The following MAN1A2 variants were observed in gnomAD, a reference collection of about 807,000 sequenced individuals.
MAN1A2 encodes mannosidase alpha class 1A member 2, also known as mannosyl-oligosaccharide 1,2-alpha-mannosidase IB.
Under a neutral mutation model 75.7 loss-of-function variants are expected in MAN1A2, and 26 were observed. The ratio of observed to expected loss-of-function variants is 0.34; its 90% CI spans 0.25 to 0.48. The LOEUF (loss-of-function observed/expected upper bound fraction) is 0.48, where lower values mean the gene tolerates loss of function less well. Ranked by LOEUF, MAN1A2 falls within the 20% of genes least tolerant of loss-of-function variation. MAN1A2 has a pLI of 0.99. For synonymous variants in MAN1A2, 247 were observed against 264.6 expected (o/e 0.93, Z 0.65); for missense variants, 562 against 775.5 (o/e 0.72, Z 3.27).
At chr1:117,377,592 A>G (rs894255162) in intron 1 of MAN1A2, among the ~76,000 whole-genome samples, 5 of 152,208 alleles carry the variant, frequency 3.3e-5, no homozygotes, top group African/African-American at 1.2e-4. Context: ...CTATAACATG[A>G]CATATTGTAA....
intron 12 of MAN1A2, among the ~76,000 whole-genome samples, chr1:117,520,326 A>G (rs1163678822): frequency 6.6e-6 from 1 of 152,064 alleles, no homozygotes; most frequent in Non-Finnish European, 1.5e-5. Context: ...AGCCAGAGCA[A>G]TCAGGCAAAA....
intron 3 of MAN1A2, among the ~76,000 whole-genome samples, chr1:117,407,653 A>G (rs1212026745): frequency 6.6e-6 from 1 of 152,230 alleles, no homozygotes; most frequent in Non-Finnish European, 1.5e-5. Flanking sequence ...AGTTCTTGGC[A>G]TCAGAGTCCT....
rs566473004 is a variant in MAN1A2, at chr1:117,523,232, C to T, written c.*275C>T. 1.8e-6 allele frequency: 1 copy of T among 563,042 alleles called. No individual in the cohort carries two copies. Among genetic ancestry groups the T allele is most frequent in the African/African-American group, 1.9e-5 (1 of 53,258 alleles). 34.9% of individuals were successfully genotyped at this position (563,042 alleles called of 1,614,324 possible). On this transcript the variant is annotated 3_prime_UTR_variant, in exon 13 of 13. Coordinates refer to ENST00000356554, the MANE Select transcript of MAN1A2 (RefSeq NM_006699.5). ...GTCACATGAGAAATGATACCTGTTA[C>T]TACTGTATTGTTTTTAGAGTCCTGA...
Position 117,466,439 on chromosome 1 carries a change from A to G in MAN1A2, c.1168+12A>G, listed in dbSNP as rs771742564. On this transcript the variant is annotated intron_variant, in intron 8 of 12. Transcript: ENST00000356554. ...GCGCTGGGGTCAGTGTAAGTATTCT[A>G]GTATACCTGAGGCTTTCTTAAAAAA... 6.7e-7 allele frequency: 1 copy of G among 1,491,152 alleles called. No individual in the cohort carries two copies. The highest frequency in any genetic ancestry group is 9.2e-7 in the Non-Finnish European group (1 of 1,089,776). 92.4% of individuals were successfully genotyped at this position (1,491,152 alleles called of 1,614,324 possible).
At chr1:117,475,972 C>T (rs1650299974) in intron 8 of MAN1A2, among the ~76,000 whole-genome samples, 1 of 152,124 alleles carries the variant, frequency 6.6e-6, no homozygotes, top group Non-Finnish European at 1.5e-5. Context: ...CTAATTTACA[C>T]TTCCACCAAC....
intron 5 of MAN1A2, among the ~76,000 whole-genome samples, chr1:117,425,183 G>A (rs1648324409): frequency 6.6e-6 from 1 of 151,498 alleles, no homozygotes; most frequent in Non-Finnish European, 1.5e-5. Context: ...GAAGGGGGAA[G>A]GATCAGAACT....
At chr1:117,498,692 A>G (rs986987663) in intron 10 of MAN1A2, among the ~76,000 whole-genome samples, 4 of 151,820 alleles carry the variant, frequency 2.6e-5, no homozygotes, top group Admixed American at 2.6e-4. Flanking sequence ...TGTGTCCTGT[A>G]TTTTCAAGTC....
rs1255841115 is a variant in MAN1A2, at chr1:117,526,872, C to CTATATA, written c.*3916_*3917insATATAT. 1 of 85,324 alleles carries CTATATA rather than the reference C, an allele frequency of 1.2e-5. No individual in the cohort carries two copies. Among genetic ancestry groups the CTATATA allele is most frequent in the Non-Finnish European group, 2.4e-5 (1 of 42,024 alleles). 5.3% of individuals were successfully genotyped at this position (85,324 alleles called of 1,614,324 possible). ...TCTCTCTCTCTCTCTCTCTCTCTCT[C>CTATATA]TCTCTCTCTATATATATATATATAT... On this transcript the variant is annotated 3_prime_UTR_variant, in exon 13 of 13. Transcript: ENST00000356554.
chr1:117,514,080 A>T (rs1441760188), intron 12 of MAN1A2, among the ~76,000 whole-genome samples: 1 of 152,162 alleles, frequency 6.6e-6, no homozygotes. Context: ...GAAGTTTTAC[A>T]GGCTGGGCAC....
intron 6 of MAN1A2, among the ~76,000 whole-genome samples, chr1:117,444,162 G>C (rs1423791045): frequency 6.6e-6 from 1 of 151,982 alleles, no homozygotes; most frequent in East Asian, 1.9e-4. Flanking sequence ...ACGATTCCAG[G>C]TTACTCAATA....
chr1:117,424,416 T>C (rs972199472), intron 5 of MAN1A2, among the ~76,000 whole-genome samples: 1 of 152,176 alleles, frequency 6.6e-6, no homozygotes, highest in African/African-American at 2.4e-5. Flanking sequence ...CAAGAATGTT[T>C]ATTATTTCTG....
chr1:117,368,355 C>T lies in MAN1A2; in HGVS notation c.172C>T (p.Pro58Ser). The T allele has an allele frequency of 6.2e-7, 1 of 1,614,084 alleles. No homozygotes were observed. The highest frequency in any genetic ancestry group is 8.5e-7 in the Non-Finnish European group (1 of 1,180,018). The change falls in exon 1 of 13, where the codon CCA becomes TCA. Residue 58 changes from proline (P) to serine (S), a missense_variant. Coordinates refer to ENST00000356554, the MANE Select transcript of MAN1A2 (RefSeq NM_006699.5). ...TLCFGAFFFL[P>S]DSSKHKRFDL... ...GTGTTTTGGGGCATTCTTTTTCCTT[C>T]CAGACTCTTCAAAACACAAACGCTT...
At chr1:117,479,148 C>G (rs1355429905) in intron 8 of MAN1A2, among the ~76,000 whole-genome samples, 1 of 151,796 alleles carries the variant, frequency 6.6e-6, no homozygotes. Flanking sequence ...TCATTCTGCA[C>G]TCACTTATAA....
At chr1:117,404,686 C>A (rs1647557759) in intron 2 of MAN1A2, among the ~76,000 whole-genome samples, 1 of 152,122 alleles carries the variant, frequency 6.6e-6, no homozygotes, top group Non-Finnish European at 1.5e-5. Context: ...TCACATGTAT[C>A]CACTCACTTT....
At chr1:117,522,374 A>T (rs892295115) in intron 12 of MAN1A2, among the ~76,000 whole-genome samples, 15 of 151,936 alleles carry the variant, frequency 9.9e-5, no homozygotes, top group African/African-American at 3.6e-4. Flanking sequence ...AGACCACCTC[A>T]GTAGACAGAA....
intron 2 of MAN1A2, among the ~76,000 whole-genome samples, chr1:117,403,600 A>G (rs1201976756): frequency 1.3e-5 from 2 of 152,158 alleles, no homozygotes; most frequent in Non-Finnish European, 2.9e-5. Context: ...GCATATAGAA[A>G]CATGTTTTAG....
chr1:117,524,516 A>G lies in MAN1A2; in HGVS notation c.*1559A>G, dbSNP rs527362825. ...GATTTCCTGAAACAAAGTTTGTACA[A>G]GAAGCCCACCTTGGAATTCTGAAGG... On this transcript the variant is annotated 3_prime_UTR_variant, in exon 13 of 13. Coordinates refer to ENST00000356554, the MANE Select transcript of MAN1A2 (RefSeq NM_006699.5). 1 of 151,928 alleles carries G rather than the reference A, an allele frequency of 6.6e-6. No homozygotes were observed. The highest frequency in any genetic ancestry group is 2.1e-4 in the South Asian group (1 of 4,812). The allele number at this position is 151,928 out of a possible 1,614,324, so 9.4% of individuals were successfully genotyped here.
intron 6 of MAN1A2, among the ~76,000 whole-genome samples, chr1:117,455,467 G>A: frequency 6.6e-6 from 1 of 152,018 alleles, no homozygotes; most frequent in South Asian, 2.1e-4. Context: ...TACCTGAAAG[G>A]ATGCATTTTT....
chr1:117,452,121 A>G (rs1649439562), intron 6 of MAN1A2, among the ~76,000 whole-genome samples: 1 of 151,944 alleles, frequency 6.6e-6, no homozygotes. Context: ...AGCCTAGCCA[A>G]TGTGATGAAA....
Sources: allele counts gnomAD v4.1 joint callset (sites outside exome capture counted in the v4.1 genomes callset), GRCh38; gene constraint gnomAD v4.1.1; transcripts MANE v1.5; gene names NCBI Gene and HGNC (gene_info 2026-07-23, HGNC 2026-07-21).